CALN1: variants seen among roughly 807,000 people sequenced by gnomAD.
The protein encoded by CALN1 is calcium-binding protein 8.
CALN1 carries 17 observed loss-of-function variants against 30.6 expected under a neutral mutation model. That is an observed-to-expected ratio of 0.56 (90% confidence interval 0.38 to 0.83). CALN1 has a LOEUF of 0.83. Ranked by LOEUF, CALN1 falls within the 40% of genes least tolerant of loss-of-function variation. The pLI, the probability that CALN1 is intolerant of heterozygous loss-of-function variation, is 0.00. For synonymous variants in CALN1, 156 were observed against 131.4 expected (o/e 1.19, Z -1.28); for missense variants, 291 against 354.9 (o/e 0.82, Z 1.45).
In CALN1 at chr7:72,355,222, G is replaced by A. The variant is rs573634076; in HGVS notation, c.119+48029C>T. ...CGTGCTCAGCCAAAAACTGCTTAAC[G>A]AGGATACAAAAGGCACAAATTGGCC... On this transcript the variant is annotated intron_variant, in intron 2 of 6. Coordinates refer to ENST00000395275, the MANE Select transcript of CALN1 (RefSeq NM_031468.4). Among the ~76,000 whole-genome samples, 9 of 152,212 alleles carry A rather than the reference G, an allele frequency of 5.9e-5. No individual in the cohort carries two copies. The East Asian group carries it at 1.2e-3, about 20-fold the overall frequency.
intron 5 of CALN1, among the ~76,000 whole-genome samples, chr7:71,854,761 T>C (rs919272499): frequency 1.3e-5 from 2 of 152,256 alleles, no homozygotes; most frequent in Non-Finnish European, 2.9e-5. Context: ...ATTCATTCAC[T>C]GTGAGTGTCT....
chr7:71,952,625 T>A (rs1040213760), intron 5 of CALN1, among the ~76,000 whole-genome samples: 1 of 152,202 alleles, frequency 6.6e-6, no homozygotes, highest in Non-Finnish European at 1.5e-5. Flanking sequence ...ATTACTTTCA[T>A]GACCCAAGAA....
At chr7:72,316,873 A>C (rs1333179815) in intron 2 of CALN1, among the ~76,000 whole-genome samples, 3 of 151,790 alleles carry the variant, frequency 2.0e-5, no homozygotes, top group Non-Finnish European at 4.4e-5. Context: ...TGAGCTCAGG[A>C]GTTCAAGGCT....
chr7:72,393,323 G>T (rs901727118), intron 2 of CALN1, among the ~76,000 whole-genome samples: 3 of 152,024 alleles, frequency 2.0e-5, no homozygotes, highest in Non-Finnish European at 4.4e-5. Flanking sequence ...AATTAGCCGG[G>T]CATGGTGGCG....
At chr7:72,340,026 A>G (rs2129558741) in intron 2 of CALN1, among the ~76,000 whole-genome samples, 1 of 152,158 alleles carries the variant, frequency 6.6e-6, no homozygotes, top group African/African-American at 2.4e-5. Flanking sequence ...AGAAACCTGG[A>G]CCCCCATTAA....
Position 72,176,546 on chromosome 7 carries a change from C to T in CALN1, c.245-70252G>A, listed in dbSNP as rs534323614. On this transcript the variant is annotated intron_variant, in intron 3 of 6. Transcript: ENST00000395275. Reference sequence around the variant, plus strand: ...CTCCTCCTTCTCTTTCTCCCACTCTCGCCATGTAACATGCTGGCTCCTCAT... The same window carrying T: ...CTCCTCCTTCTCTTTCTCCCACTCTTGCCATGTAACATGCTGGCTCCTCAT... 2.2e-4 allele frequency among the ~76,000 whole-genome samples: 33 copies of T among 152,244 alleles called. No individual in the cohort carries two copies. The East Asian group carries it at 4.4e-3, about 21-fold the overall frequency.
chr7:72,448,545 C>T (rs537752617), upstream of CALN1, among the ~76,000 whole-genome samples: 1 of 152,244 alleles, frequency 6.6e-6, no homozygotes, highest in Admixed American at 6.5e-5. Flanking sequence ...TTGCACTTGG[C>T]ATCCCACACT....
the CALN1 span, among the ~76,000 whole-genome samples, chr7:72,501,928 A>AAAATATAT: frequency 3.5e-5 from 2 of 57,968 alleles, 1 homozygote; most frequent in African/African-American, 2.0e-4. Flanking sequence ...AAAAAAAAAA[A>AAAATATAT]ATATATATAT....
chr7:71,938,506 C>T (rs746613864), intron 5 of CALN1, among the ~76,000 whole-genome samples: 5 of 151,894 alleles, frequency 3.3e-5, no homozygotes, highest in Admixed American at 6.6e-5. Flanking sequence ...ATTATAAAAA[C>T]GTACACAGGG....
intron 5 of CALN1, among the ~76,000 whole-genome samples, chr7:71,890,096 C>T (rs1357763015): frequency 1.3e-5 from 2 of 151,918 alleles, no homozygotes; most frequent in Non-Finnish European, 1.5e-5. Flanking sequence ...AGAATGAGAA[C>T]AGAGCTTTTA....
chr7:71,916,748 G>A (rs1293794293), intron 5 of CALN1, among the ~76,000 whole-genome samples: 2 of 152,056 alleles, frequency 1.3e-5, no homozygotes, highest in East Asian at 3.9e-4. Flanking sequence ...CATGGCAGAT[G>A]TTTACCTGTG....
chr7:72,309,991 G>A (rs1369241324), intron 2 of CALN1, among the ~76,000 whole-genome samples: 1 of 152,040 alleles, frequency 6.6e-6, no homozygotes, highest in African/African-American at 2.4e-5. Context: ...GTTCACATCG[G>A]TCCGCCAGCA....
chr7:72,344,146 A>G (rs1395052856), intron 2 of CALN1, among the ~76,000 whole-genome samples: 1 of 152,010 alleles, frequency 6.6e-6, no homozygotes, highest in Admixed American at 6.6e-5. Context: ...AGAAAAAGAG[A>G]GGTTCCGGGC....
intron 4 of CALN1, among the ~76,000 whole-genome samples, chr7:72,099,273 C>CTTTTTTTT (rs386359911): frequency 8.0e-6 from 1 of 125,346 alleles, no homozygotes. Flanking sequence ...CCAAACACTC[C>CTTTTTTTT]TTTTTTTTTT....
intron 4 of CALN1, among the ~76,000 whole-genome samples, chr7:72,101,224 C>T (rs963460602): frequency 8.5e-5 from 13 of 152,096 alleles, no homozygotes; most frequent in African/African-American, 2.7e-4. Context: ...CCTCGGCCTC[C>T]GATAACAGGT....
chr7:71,984,392 C>A (rs766257115), intron 5 of CALN1, among the ~76,000 whole-genome samples: 1 of 152,160 alleles, frequency 6.6e-6, no homozygotes, highest in South Asian at 2.1e-4. Context: ...ATGAAATAAA[C>A]GGTAATTTGA....
chr7:72,245,618 CTAAATAAATAAATAAA>C lies in CALN1; in HGVS notation c.244+33052_244+33067del, dbSNP rs36174609. ...GGGCAACAAGAATGAAACTCCATCT[CTAAATAAATAAATAAA>C]TAAATAAATAAATAAATAAATAAAT... On this transcript the variant is annotated intron_variant, in intron 3 of 6. Transcript: ENST00000395275. Among the ~76,000 whole-genome samples the C allele has an allele frequency of 5.2e-3, 747 of 143,436 alleles. 5 individuals carry two copies. The highest frequency in any genetic ancestry group is 0.016 in the African/African-American group (634 of 38,764). 94.1% of individuals were successfully genotyped at this position (143,436 alleles called of 152,430 possible). A position where few individuals can be genotyped will look rare whatever the true frequency, so the allele number is the denominator to read the frequency against.
intron 3 of CALN1, among the ~76,000 whole-genome samples, chr7:72,170,814 A>T (rs1489273123): frequency 6.6e-6 from 1 of 152,132 alleles, no homozygotes; most frequent in African/African-American, 2.4e-5. Flanking sequence ...AGCACTAGAA[A>T]CTCATACTTG....
chr7:72,108,438 TCTTCC>T (rs1807329176), intron 3 of CALN1, among the ~76,000 whole-genome samples: 2 of 152,220 alleles, frequency 1.3e-5, no homozygotes, highest in South Asian at 2.1e-4. Flanking sequence ...GCCTAAAATA[TCTTCC>T]CTTCTTCTTT....
Sources: allele counts gnomAD v4.1 joint callset (sites outside exome capture counted in the v4.1 genomes callset), GRCh38; gene constraint gnomAD v4.1.1; transcripts MANE v1.5; gene names NCBI Gene and HGNC (gene_info 2026-07-23, HGNC 2026-07-21).